NLGN4Y: variants seen among roughly 807,000 people sequenced by gnomAD.
The protein encoded by NLGN4Y is neuroligin 4 Y-linked, also known as neuroligin-4, Y-linked.
In NLGN4Y, 4 loss-of-function variants were observed where a neutral mutation model predicts 8.4. The ratio of observed to expected loss-of-function variants is 0.48; its 90% CI spans 0.23 to 1.09. The LOEUF (loss-of-function observed/expected upper bound fraction) is 1.09, where lower values mean the gene tolerates loss of function less well. Ranked by LOEUF, NLGN4Y falls within the 50% of genes least tolerant of loss-of-function variation. The probability of loss-of-function intolerance (pLI) is 0.19; values close to 1 mark genes in which losing one functional copy is unlikely to be tolerated. For synonymous variants in NLGN4Y, 35 were observed against 75.6 expected (o/e 0.46, Z 2.78); for missense variants, 90 against 192.3 (o/e 0.47, Z 3.15).
chrY:14,802,830 T>G, intron 4 of NLGN4Y, among the ~76,000 whole-genome samples: 1 of 22,715 alleles, frequency 4.4e-5, no homozygotes, highest in Non-Finnish European at 8.9e-5. Context: ...ATATATAAAA[T>G]TGTATATTAT....
chrY:14,812,926 TCTTC>T, intron 4 of NLGN4Y, among the ~76,000 whole-genome samples: 1 of 30,794 alleles, frequency 3.2e-5, no homozygotes, highest in East Asian at 8.6e-4. Context: ...TTTCTTCCTA[TCTTC>T]CTTCCTTCCT....
chrY:14,684,797 G>A (rs2080783709), intron 2 of NLGN4Y, among the ~76,000 whole-genome samples: 1 of 33,449 alleles, frequency 3.0e-5, no homozygotes, highest in Non-Finnish European at 7.4e-5. Context: ...CTTACCTTCA[G>A]TGACTAAGTT....
At chrY:14,598,808 C>G in intron 1 of NLGN4Y, among the ~76,000 whole-genome samples, 1 of 28,445 alleles carries the variant, frequency 3.5e-5, no homozygotes, top group African/African-American at 1.4e-4. Context: ...CTCTACCCAT[C>G]TAACAAGTAA....
chrY:14,527,992 A>C (rs2150458310), intron 1 of NLGN4Y, among the ~76,000 whole-genome samples: 1 of 33,559 alleles, frequency 3.0e-5, no homozygotes, highest in South Asian at 6.7e-4. Flanking sequence ...GCTTTGAATA[A>C]ATGTGTAGAT....
At chrY:14,711,829 C>T (rs2080899901) in intron 2 of NLGN4Y, among the ~76,000 whole-genome samples, 1 of 32,648 alleles carries the variant, frequency 3.1e-5, no homozygotes, top group Non-Finnish European at 7.5e-5. Flanking sequence ...TCCAAGCACT[C>T]TGGGAGGCTG....
At chrY:14,580,877 GAAAAAAAAAAAAAAAAA>G (rs748606939) in intron 1 of NLGN4Y, among the ~76,000 whole-genome samples, 1 of 3,102 alleles carries the variant, frequency 3.2e-4, no homozygotes, top group Non-Finnish European at 5.8e-4. Context: ...CATCTGTATG[GAAAAAAAAAAAAAAAAA>G]AAAAAAAAAA....
chrY:14,733,905 C>T, intron 4 of NLGN4Y, among the ~76,000 whole-genome samples: 1 of 33,008 alleles, frequency 3.0e-5, no homozygotes, highest in African/African-American at 1.2e-4. Flanking sequence ...CCTGGAAGCC[C>T]CAGAGGAAGT....
At chrY:14,609,257 G>C in intron 1 of NLGN4Y, among the ~76,000 whole-genome samples, 1 of 33,214 alleles carries the variant, frequency 3.0e-5, no homozygotes, top group Non-Finnish European at 7.4e-5. Flanking sequence ...TGTTGAATAA[G>C]AGTGGTGAGA....
intron 2 of NLGN4Y, among the ~76,000 whole-genome samples, chrY:14,665,817 G>A: frequency 3.0e-5 from 1 of 33,041 alleles, no homozygotes; most frequent in Non-Finnish European, 7.4e-5. Flanking sequence ...CAATTCTGTA[G>A]ACTTCTTTCT....
chrY:14,830,473 C>A lies in NLGN4Y; in HGVS notation c.1615C>A (p.Leu539Ile), dbSNP rs369710665. ...SCNFSKNDVM[L>I]SAVVMTYWTN... ...TAATTTCTCCAAGAACGACGTCATG[C>A]TCAGTGCCGTGGTGATGACCTACTG... is the stretch of plus-strand genomic sequence containing the variant. The change falls in exon 6 of 7, where the codon CTC becomes ATC. Residue 539 changes from leucine to isoleucine, a missense_variant. Leu to Ile is a conservative substitution (Grantham distance 5). Around this residue, in one of 4 missense-constraint regions of NLGN4Y, gnomAD observed 37 missense variants for 94.0 expected, o/e 0.39. Transcript: ENST00000684976. The A allele has an allele frequency of 2.1e-4, 84 of 399,254 alleles. No individual in the cohort carries two copies. Among genetic ancestry groups the A allele is most frequent in the Non-Finnish European group, 2.9e-4 (82 of 283,728 alleles).
At chrY:14,611,032 G>A in intron 1 of NLGN4Y, among the ~76,000 whole-genome samples, 1 of 32,662 alleles carries the variant, frequency 3.1e-5, no homozygotes, top group East Asian at 8.2e-4. Context: ...CAGAGGCTAG[G>A]ATTACTACCC....
At chrY:14,723,918 G>A in intron 4 of NLGN4Y, among the ~76,000 whole-genome samples, 1 of 32,880 alleles carries the variant, frequency 3.0e-5, no homozygotes, top group Admixed American at 2.8e-4. Context: ...CTAATTGTGG[G>A]TTGGAAAATT....
intron 2 of NLGN4Y, among the ~76,000 whole-genome samples, chrY:14,649,326 G>C: frequency 3.0e-5 from 1 of 33,439 alleles, no homozygotes; most frequent in Non-Finnish European, 7.4e-5. Flanking sequence ...TGAATTTAAA[G>C]TTTTGGAGCA....
intron 2 of NLGN4Y, among the ~76,000 whole-genome samples, chrY:14,711,739 T>C: frequency 3.1e-5 from 1 of 31,982 alleles, no homozygotes. Flanking sequence ...ACCATCTGAA[T>C]GCTGCTTTCT....
chrY:14,757,723 C>A (rs2081066262), intron 4 of NLGN4Y, among the ~76,000 whole-genome samples: 1 of 33,681 alleles, frequency 3.0e-5, no homozygotes, highest in Non-Finnish European at 7.4e-5. Flanking sequence ...ACTACAGGTG[C>A]ACACCATCAT....
intron 4 of NLGN4Y, among the ~76,000 whole-genome samples, chrY:14,769,652 A>AT (rs2081101384): frequency 9.6e-5 from 3 of 31,362 alleles, no homozygotes; most frequent in Non-Finnish European, 1.6e-4. Context: ...TAGCAGCAGG[A>AT]TTTTTTTTTT....
At chrY:14,839,180 C>A in intron 6 of NLGN4Y, among the ~76,000 whole-genome samples, 1 of 33,355 alleles carries the variant, frequency 3.0e-5, no homozygotes, top group South Asian at 6.6e-4. Context: ...CTGCACATTA[C>A]ATCTCAATGC....
chrY:14,845,455 T>C lies in NLGN4Y; in HGVS notation c.*4193T>C, dbSNP rs2043241233. 3.0e-5 allele frequency: 1 copy of C among 33,162 alleles called. No homozygotes were observed. The highest frequency in any genetic ancestry group is 7.4e-5 in the Non-Finnish European group (1 of 13,448). The allele number at this position is 33,162 out of a possible 400,897, so 8.3% of individuals were successfully genotyped here. ...TATCTGTGAAATCACATTCTGCAGTTTCATTTACTGTGATCAACTATGATC... is the reference window on the plus strand; with the variant it reads ...TATCTGTGAAATCACATTCTGCAGTCTCATTTACTGTGATCAACTATGATC... On this transcript the variant is annotated 3_prime_UTR_variant, in exon 7 of 7. Coordinates refer to ENST00000684976, the MANE Select transcript of NLGN4Y (RefSeq NM_001365588.1).
intron 1 of NLGN4Y, among the ~76,000 whole-genome samples, chrY:14,562,084 T>C: frequency 6.0e-5 from 2 of 33,473 alleles, no homozygotes; most frequent in Non-Finnish European, 7.4e-5. Flanking sequence ...TTACATCCCA[T>C]TTGTCAATTT....
Sources: allele counts gnomAD v4.1 joint callset (sites outside exome capture counted in the v4.1 genomes callset), GRCh38; gene constraint gnomAD v4.1.1; regional missense constraint gnomAD v4.1.1; transcripts MANE v1.5; gene names NCBI Gene and HGNC (gene_info 2026-07-23, HGNC 2026-07-21).